Variants in NFATC2 observed in about 807,000 individuals in gnomAD.
The protein encoded by NFATC2 is nuclear factor of activated T-cells, cytoplasmic 2.
In NFATC2, 22 loss-of-function variants were observed where a neutral mutation model predicts 87.3. The observed-to-expected ratio is 0.25, with a 90% confidence interval of 0.18 to 0.36. The LOEUF is 0.36. NFATC2 is among the 10% of genes least tolerant of loss of function. The pLI is 1.00. For synonymous variants in NFATC2, 565 were observed against 542.2 expected (o/e 1.04, Z -0.58); for missense variants, 1,149 against 1,259.1 (o/e 0.91, Z 1.32).
chr20:51,518,062 C>G (rs2076383870), intron 2 of NFATC2, among the ~76,000 whole-genome samples: 1 of 152,224 alleles, frequency 6.6e-6, no homozygotes, highest in South Asian at 2.1e-4. Flanking sequence ...TTACACATGA[C>G]AGGTAGAACT....
intron 5 of NFATC2, among the ~76,000 whole-genome samples, chr20:51,463,707 G>A (rs1987385369): frequency 6.6e-6 from 1 of 152,196 alleles, no homozygotes; most frequent in East Asian, 1.9e-4. Flanking sequence ...GCCTCAGCCT[G>A]CAGGCGCCCA....
rs1555818354 is a variant in NFATC2 at position 51,540,663 on chromosome 20, T to TTTTTTTTTTTTTGTTTG, written c.130+1706_130+1707insCAAACAAAAAAAAAAAA. ...AAAACTGAAGTTTTTTTTTTGTTTT[T>TTTTTTTTTTTTTGTTTG]TTTTTTTTGAGAAAACAGATTCCAG... is the stretch of plus-strand genomic sequence containing the variant. On this transcript the variant is annotated intron_variant, in intron 1 of 10. Coordinates refer to ENST00000371564, the MANE Select transcript of NFATC2 (RefSeq NM_012340.5). Among the ~76,000 whole-genome samples, 62 of 135,738 alleles carry TTTTTTTTTTTTTGTTTG rather than the reference T, an allele frequency of 4.6e-4. 1 individual carries two copies. Among genetic ancestry groups the TTTTTTTTTTTTTGTTTG allele is most frequent in the East Asian group, 1.8e-3 (8 of 4,352 alleles). The allele number at this position is 135,738 out of a possible 152,430, so 89.0% of individuals were successfully genotyped here.
At chr20:51,491,877 TACACACAC>T (rs33936990) in intron 3 of NFATC2, among the ~76,000 whole-genome samples, 63 of 57,408 alleles carry the variant, frequency 1.1e-3, no homozygotes, top group Non-Finnish European at 1.3e-3. Context: ...CACATACACA[TACACACAC>T]ACACACACAC....
chr20:51,493,583 G>A (rs1052504312), intron 3 of NFATC2, among the ~76,000 whole-genome samples: 13 of 152,236 alleles, frequency 8.5e-5, no homozygotes, highest in Non-Finnish European at 1.6e-4. Flanking sequence ...CTCACTCACC[G>A]GGGCCCTGGA....
chr20:51,550,480 A>C (rs1241575506), intron 1 of NFATC2, among the ~76,000 whole-genome samples: 1 of 151,106 alleles, frequency 6.6e-6, no homozygotes, highest in Non-Finnish European at 1.5e-5. Context: ...AATTCCAGCT[A>C]CTCGGGAGGC....
At chr20:51,500,649 AC>A (rs1185690116) in intron 3 of NFATC2, among the ~76,000 whole-genome samples, 19 of 22,012 alleles carry the variant, frequency 8.6e-4, no homozygotes, top group South Asian at 2.7e-3. Context: ...CACCCTCACC[AC>A]CCCCCCCTCC....
intron 9 of NFATC2, chr20:51,399,094 G>A (rs974765961): frequency 5.3e-6 from 1 of 190,266 alleles, no homozygotes; most frequent in African/African-American, 2.3e-5. Context: ...AGGAAAATCA[G>A]AATTTCATTA....
chr20:51,404,787 C>T (rs765922844), intron 9 of NFATC2, among the ~76,000 whole-genome samples: 1 of 152,212 alleles, frequency 6.6e-6, no homozygotes, highest in African/African-American at 2.4e-5. Flanking sequence ...CCTCACTGCG[C>T]CCTAGTGTGC....
chr20:51,470,543 C>T (rs1017092054), intron 5 of NFATC2, among the ~76,000 whole-genome samples: 2 of 152,178 alleles, frequency 1.3e-5, no homozygotes, highest in Non-Finnish European at 2.9e-5. Context: ...TAAGACAGTA[C>T]ATAAAAGGCA....
At chr20:51,428,594 C>G (rs537357037) in intron 9 of NFATC2, among the ~76,000 whole-genome samples, 1 of 152,168 alleles carries the variant, frequency 6.6e-6, no homozygotes, top group Non-Finnish European at 1.5e-5. Flanking sequence ...AATGCCCAGA[C>G]GCGACGCTGG....
chr20:51,503,682 C>T (rs1600890089), intron 3 of NFATC2, among the ~76,000 whole-genome samples: 1 of 152,218 alleles, frequency 6.6e-6, no homozygotes, highest in East Asian at 1.9e-4. Context: ...CTGCACCTGC[C>T]CCATGAGCCA....
At chr20:51,531,770 A>G (rs1270696502) in intron 1 of NFATC2, among the ~76,000 whole-genome samples, 1 of 152,240 alleles carries the variant, frequency 6.6e-6, no homozygotes, top group Non-Finnish European at 1.5e-5. Context: ...TTATTGAAAG[A>G]ACAATCTTTT....
intron 10 of NFATC2, 151 bp from the exon 11 acceptor site, chr20:51,391,602 G>T: frequency 1.2e-6 from 1 of 809,014 alleles, no homozygotes; most frequent in Non-Finnish European, 2.0e-6. Flanking sequence ...GAGTGCAATG[G>T]CATGATCATG....
intron 9 of NFATC2, 113 bp downstream of exon 9, chr20:51,431,954 G>T: frequency 8.9e-7 from 1 of 1,124,076 alleles, no homozygotes; most frequent in Non-Finnish European, 1.2e-6. Context: ...TTAAAATGGG[G>T]ACACTGAGGC....
At position 51,562,478 on chromosome 20, in the gene NFATC2, A is replaced by G; in HGVS notation, c.70+82T>C. 7.8e-7 allele frequency: 1 copy of G among 1,281,074 alleles called. No homozygotes were observed. Among genetic ancestry groups the G allele is most frequent in the Non-Finnish European group, 1.1e-6 (1 of 913,690 alleles). 79.4% of individuals were successfully genotyped at this position (1,281,074 alleles called of 1,614,324 possible). ...CGCACCGACCTCTGCCGGGAGCTGA[A>G]AGTGCTGCCCGGGACGGGAGCAGCA... On this transcript the variant is annotated intron_variant, in intron 1 of 10. Coordinates refer to the NFATC2 transcript ENST00000414705. This position sits in a 1 kb window ranked among gnomAD's most constrained non-coding sequence, Gnocchi z 5.8.
chr20:51,481,772 C>G (rs1341822563), intron 3 of NFATC2, among the ~76,000 whole-genome samples: 1 of 152,130 alleles, frequency 6.6e-6, no homozygotes, highest in African/African-American at 2.4e-5. Context: ...AAAACCGGAT[C>G]TGAGGAATGA....
chr20:51,542,408 G>C lies in NFATC2; in HGVS notation c.92C>G (p.Ser31Cys). 1 of 1,605,836 alleles carries C rather than the reference G, an allele frequency of 6.2e-7. No individual in the cohort carries two copies. The highest frequency in any genetic ancestry group is 8.5e-7 in the Non-Finnish European group (1 of 1,176,160). Reference sequence around the variant, plus strand: ...CAAATACTCATAGTCGAAGAGGATGGAGAAGTCAAGCTCGTCTTGGGGGCT... The same window carrying C: ...CAAATACTCATAGTCGAAGAGGATGCAGAAGTCAAGCTCGTCTTGGGGGCT... ...GGSPQDELDFSILFDYEYLNP... is the reference protein window; with the variant it reads ...GGSPQDELDFCILFDYEYLNP... The change falls in exon 1 of 11, where the codon TCC becomes TGC. Residue 31 changes from serine to cysteine, a missense_variant. Physicochemically the swap from Ser to Cys is moderately radical, Grantham distance 112 (BLOSUM62 -1). Around this residue, in one of 3 missense-constraint regions of NFATC2, gnomAD observed 563 missense variants for 585.2 expected, o/e 0.96. Transcript: ENST00000371564.
chr20:51,434,052 G>GCC lies in NFATC2; in HGVS notation c.2032+1134_2032+1135dup, dbSNP rs955910757. ...AGGGATTCCTGAGCTGCAGTCTAGA[G>GCC]CCCCCCCAGCAATCTCCCACAGTTT... On this transcript the variant is annotated intron_variant, in intron 8 of 10. Transcript: ENST00000371564. 4.9e-3 allele frequency among the ~76,000 whole-genome samples: 745 copies of GCC among 152,152 alleles called. 7 individuals are homozygous for GCC. The highest frequency in any genetic ancestry group is 0.017 in the African/African-American group (717 of 41,494).
In NFATC2 at chr20:51,523,937, T is replaced by C. The variant is rs754883750; in HGVS notation, c.304A>G (p.Lys102Glu). 2 of 1,597,200 alleles carry C rather than the reference T, an allele frequency of 1.3e-6. No homozygotes were observed. The highest frequency in any genetic ancestry group is 2.2e-5 in the East Asian group (1 of 44,770). Residue 102 changes from lysine (K) to glutamate (E), a missense_variant, in exon 2 of 11, where the codon AAG (lysine) becomes GAG (glutamate). Coordinates refer to ENST00000371564, the MANE Select transcript of NFATC2 (RefSeq NM_012340.5). This position sits in a 1 kb window ranked among gnomAD's most constrained non-coding sequence, Gnocchi z 6.9. ...CTCAGGCCCGAGGCCCCTGCTGGCT[T>C]GGCCGCGCTCAGAAACTTCTGCGGC... ...VGPQKFLSAAKPAGASGLSPR... is the reference protein window; with the variant it reads ...VGPQKFLSAAEPAGASGLSPR...
Sources: gnomAD v4.1 joint callset for allele counts (sites outside exome capture counted in the v4.1 genomes callset) on GRCh38, gnomAD v4.1.1 for gene constraint, gnomAD v4.1.1 regional missense constraint, Gnocchi (gnomAD v3.1) non-coding constraint, MANE v1.5 for transcripts, NCBI Gene and HGNC (gene_info 2026-07-23, HGNC 2026-07-21) for gene names.